The following EHMT1 variants were observed in gnomAD, a reference collection of about 807,000 sequenced individuals.
EHMT1 encodes the protein histone-lysine N-methyltransferase EHMT1.
Under a neutral mutation model 147.2 loss-of-function variants are expected in EHMT1, and 15 were observed. That is an observed-to-expected ratio of 0.10 (90% confidence interval 0.07 to 0.16). The LOEUF (loss-of-function observed/expected upper bound fraction) is 0.16. EHMT1 is among the 10% of genes least tolerant of loss of function. The probability of loss-of-function intolerance (pLI) is 1.00; values close to 1 mark genes in which losing one functional copy is unlikely to be tolerated. For synonymous variants in EHMT1, 795 were observed against 709.6 expected, an observed-to-expected ratio of 1.12 and a Z score of -1.91; for missense variants, 1,587 against 1,772.4, an observed-to-expected ratio of 0.90 and a Z score of 1.88.
chr9:137,754,060 A>C, intron 7 of EHMT1, 111 bp from the exon 8 acceptor site: 1 of 1,554,254 alleles, frequency 6.4e-7, no homozygotes. Flanking sequence ...GTTTAATTGA[A>C]GATCAAGACA....
intron 8 of EHMT1, among the ~76,000 whole-genome samples, chr9:137,755,028 G>C (rs1191642218): frequency 6.6e-6 from 1 of 152,176 alleles, no homozygotes; most frequent in Non-Finnish European, 1.5e-5. Flanking sequence ...AACCCAGAAG[G>C]GATGCAGCAG....
chr9:137,666,576 G>T (rs1162644735), intron 1 of EHMT1, among the ~76,000 whole-genome samples: 1 of 152,246 alleles, frequency 6.6e-6, no homozygotes, highest in African/African-American at 2.4e-5. Flanking sequence ...CGGTGCAGCT[G>T]GCTCTTTGCC....
At chr9:137,730,190 C>T (rs555115331) in intron 4 of EHMT1, among the ~76,000 whole-genome samples, 39 of 152,070 alleles carry the variant, frequency 2.6e-4, no homozygotes, top group Admixed American at 4.6e-4. Flanking sequence ...GTTTTTTGTC[C>T]ATCTTCAAGT....
chr9:137,775,868 C>G lies in EHMT1; in HGVS notation c.1791+616C>G, dbSNP rs1411091012. On this transcript the variant is annotated intron_variant, in intron 11 of 26. Transcript: ENST00000460843. The surrounding 1 kb of genome is among the most constrained non-coding windows in gnomAD (Gnocchi z 6.1). Reference sequence around the variant, plus strand: ...CTTTGGAGCTCCCCTGTGTGGGCATCCTCGTGCATGTAGGGTGTGTGTGTG... The same window carrying G: ...CTTTGGAGCTCCCCTGTGTGGGCATGCTCGTGCATGTAGGGTGTGTGTGTG... Among the ~76,000 whole-genome samples, 1 of 150,968 alleles carries G rather than the reference C, an allele frequency of 6.6e-6. No individual in the cohort carries two copies. The highest frequency in any genetic ancestry group is 2.1e-4 in the South Asian group (1 of 4,774).
At chr9:137,634,729 GTCTC>G (rs1159805028) in intron 1 of EHMT1, among the ~76,000 whole-genome samples, 1 of 135,038 alleles carries the variant, frequency 7.4e-6, no homozygotes, top group Middle Eastern at 3.5e-3. Flanking sequence ...TTTTGACAGA[GTCTC>G]TCTCTATCGC....
At chr9:137,655,506 AG>A (rs966720643) in intron 1 of EHMT1, among the ~76,000 whole-genome samples, 1 of 152,248 alleles carries the variant, frequency 6.6e-6, no homozygotes, top group African/African-American at 2.4e-5. Context: ...GTGCTGTTGA[AG>A]AATGAATGAA....
chr9:137,638,221 C>T (rs993139124), intron 1 of EHMT1: 9 of 152,058 alleles, frequency 5.9e-5, no homozygotes, highest in African/African-American at 2.2e-4. Context: ...AGCAATTCTC[C>T]TGCCTCTGCC....
At chr9:137,830,665 T>C (rs965130551) in intron 25 of EHMT1, among the ~76,000 whole-genome samples, 6 of 152,190 alleles carry the variant, frequency 3.9e-5, no homozygotes, top group Non-Finnish European at 7.3e-5. Context: ...ACATGTCCCA[T>C]GGAAGCTGGG....
chr9:137,742,589 G>A (rs186371956), intron 4 of EHMT1, among the ~76,000 whole-genome samples: 166 of 152,114 alleles, frequency 1.1e-3, no homozygotes, highest in Non-Finnish European at 1.6e-3. Context: ...AAAACCAGTC[G>A]AACCTAGAAC....
chr9:137,655,358 G>C (rs922960111), intron 1 of EHMT1, among the ~76,000 whole-genome samples: 9 of 152,076 alleles, frequency 5.9e-5, no homozygotes, highest in African/African-American at 9.7e-5. Context: ...CTCACTGGTA[G>C]AGGCTGCTTA....
intron 25 of EHMT1, among the ~76,000 whole-genome samples, chr9:137,833,670 A>T (rs118137059): frequency 0.067 from 10,171 of 152,326 alleles, 545 homozygotes; most frequent in Admixed American, 0.18. Context: ...GCCAGGGGCC[A>T]GGGCCCAGGG....
chr9:137,645,769 G>A (rs562949493), intron 1 of EHMT1, among the ~76,000 whole-genome samples: 6 of 152,010 alleles, frequency 3.9e-5, no homozygotes, highest in Admixed American at 6.6e-5. Context: ...GCAGCCCCAC[G>A]TGGGCCTCAG....
rs149855912 is a variant in EHMT1 at position 137,710,292 on chromosome 9, C to T, written c.22-675C>T. 5.2e-3 allele frequency among the ~76,000 whole-genome samples: 795 copies of T among 152,164 alleles called. 3 individuals are homozygous for T. The highest frequency in any genetic ancestry group is 0.014 in the Middle Eastern group (4 of 294). On this transcript the variant is annotated intron_variant, in intron 1 of 26. Transcript: ENST00000460843. The stretch of plus-strand genomic sequence containing the variant: ...TTTGAGACCAGCCTGGCCAACATGG[C>T]GAAACCCCCATCTCTACTGAAAACA...
chr9:137,795,184 C>T (rs1952806083), intron 16 of EHMT1: 1 of 152,166 alleles, frequency 6.6e-6, no homozygotes, highest in Admixed American at 6.5e-5. Context: ...GTCACAAAAA[C>T]ATCGGTAAGC....
intron 10 of EHMT1, among the ~76,000 whole-genome samples, chr9:137,767,984 G>A (rs1380273936): frequency 6.6e-6 from 1 of 152,152 alleles, no homozygotes; most frequent in Admixed American, 6.5e-5. Context: ...ATGTTTAGAT[G>A]TACATATACT....
chr9:137,671,709 G>A (rs1046131033), intron 1 of EHMT1, among the ~76,000 whole-genome samples: 8 of 151,966 alleles, frequency 5.3e-5, no homozygotes, highest in African/African-American at 1.9e-4. Flanking sequence ...GGTATGTTTT[G>A]TAGAGATGGG....
At chr9:137,810,298 G>T (rs117748053) in intron 18 of EHMT1, among the ~76,000 whole-genome samples, 2 of 147,966 alleles carry the variant, frequency 1.4e-5, no homozygotes, top group Non-Finnish European at 1.5e-5. Flanking sequence ...CGTGAAAGGC[G>T]CTCCTCGCAC....
intron 2 of EHMT1, among the ~76,000 whole-genome samples, chr9:137,711,918 C>T (rs1944768170): frequency 6.6e-6 from 1 of 152,220 alleles, no homozygotes; most frequent in Non-Finnish European, 1.5e-5. Flanking sequence ...CCTGGCTCCT[C>T]ATGGACTGTG....
chr9:137,686,875 C>T (rs945673157), intron 1 of EHMT1, among the ~76,000 whole-genome samples: 1 of 151,932 alleles, frequency 6.6e-6, no homozygotes, highest in African/African-American at 2.4e-5. Context: ...GGACTACGGG[C>T]GCCCGCCACC....
Sources: allele counts gnomAD v4.1 joint callset (sites outside exome capture counted in the v4.1 genomes callset), GRCh38; gene constraint gnomAD v4.1.1; non-coding constraint Gnocchi (gnomAD v3.1); transcripts MANE v1.5; gene names NCBI Gene and HGNC (gene_info 2026-07-23, HGNC 2026-07-21).